Variants in THRB observed in about 807,000 individuals in gnomAD.
THRB encodes nuclear receptor subfamily 1 group A member 2.
THRB carries 12 observed loss-of-function variants against 47.8 expected under a neutral mutation model. The observed-to-expected ratio is 0.25, with a 90% CI of 0.16 to 0.41. THRB has a LOEUF of 0.41. Among genes scored for constraint, THRB ranks in the 10% least tolerant of loss-of-function variants. The pLI, the probability that THRB is intolerant of heterozygous loss-of-function variation, is 1.00. For synonymous variants in THRB, 218 were observed against 212.2 expected (o/e 1.03, Z -0.24); for missense variants, 348 against 589.2 (o/e 0.59, Z 4.24).
intron 1 of THRB, among the ~76,000 whole-genome samples, chr3:24,379,151 TA>T (rs1288885721): frequency 1.3e-5 from 2 of 152,182 alleles, no homozygotes; most frequent in Non-Finnish European, 2.9e-5. Flanking sequence ...AAATTCTATG[TA>T]CATATACATA....
At chr3:24,387,718 T>C (rs1315627628) in intron 1 of THRB, among the ~76,000 whole-genome samples, 2 of 152,108 alleles carry the variant, frequency 1.3e-5, no homozygotes, top group Non-Finnish European at 2.9e-5. Context: ...TGAAACTGTA[T>C]CCTTAGAAAT....
At chr3:24,381,715 C>T (rs1036747494) in intron 1 of THRB, among the ~76,000 whole-genome samples, 2 of 152,052 alleles carry the variant, frequency 1.3e-5, no homozygotes, top group Admixed American at 1.3e-4. Context: ...CCCAAATTAA[C>T]CAACTATAAC....
chr3:24,155,400 C>T (rs959588642), intron 5 of THRB, among the ~76,000 whole-genome samples: 1 of 152,184 alleles, frequency 6.6e-6, no homozygotes, highest in African/African-American at 2.4e-5. Flanking sequence ...TTTTCTGTAA[C>T]ATATTAACTC....
intron 4 of THRB, among the ~76,000 whole-genome samples, chr3:24,201,684 T>C (rs2044614631): frequency 6.6e-6 from 1 of 152,214 alleles, no homozygotes; most frequent in South Asian, 2.1e-4. Flanking sequence ...TAGTAGTTGA[T>C]GAATTGTAGG....
intron 1 of THRB, among the ~76,000 whole-genome samples, chr3:24,437,128 ATATTAT>A (rs59999806): frequency 1.3e-5 from 2 of 148,322 alleles, no homozygotes; most frequent in African/African-American, 4.9e-5. Context: ...ATATAATGAA[ATATTAT>A]TATATTATAT....
intron 1 of THRB, among the ~76,000 whole-genome samples, chr3:24,361,340 G>A (rs1000182822): frequency 8.5e-5 from 13 of 152,108 alleles, no homozygotes. Flanking sequence ...TTAAAAAAGA[G>A]TCACCATATT....
At chr3:24,382,368 T>A (rs2065778504) in intron 1 of THRB, among the ~76,000 whole-genome samples, 1 of 152,160 alleles carries the variant, frequency 6.6e-6, no homozygotes, top group South Asian at 2.1e-4. Context: ...AAAGGATTAA[T>A]ATTCTTAATA....
chr3:24,132,152 G>A (rs1207229605), intron 9 of THRB, among the ~76,000 whole-genome samples: 3 of 152,128 alleles, frequency 2.0e-5, no homozygotes, highest in African/African-American at 7.2e-5. Context: ...GTCATTCCAG[G>A]TGAGGAAACT....
chr3:24,475,125 AC>A (rs1406003487), intron 1 of THRB, among the ~76,000 whole-genome samples: 1 of 152,176 alleles, frequency 6.6e-6, no homozygotes, highest in African/African-American at 2.4e-5. Context: ...ACTTTCTACA[AC>A]TGTAACCATC....
chr3:24,152,664 G>C (rs1346827043), intron 5 of THRB, among the ~76,000 whole-genome samples, 174 bp from the exon 6 acceptor site: 1 of 151,972 alleles, frequency 6.6e-6, no homozygotes, highest in African/African-American at 2.4e-5. Context: ...GTTAACATAG[G>C]CCCAGGATTT....
At chr3:24,170,001 T>C (rs2040217532) in intron 5 of THRB, among the ~76,000 whole-genome samples, 1 of 151,786 alleles carries the variant, frequency 6.6e-6, no homozygotes. Flanking sequence ...CTCACAGCTT[T>C]AAATACTAAT....
chr3:24,357,591 A>C (rs551524567), intron 1 of THRB, among the ~76,000 whole-genome samples: 6 of 151,968 alleles, frequency 3.9e-5, no homozygotes, highest in Non-Finnish European at 5.9e-5. Flanking sequence ...TTTTTCATAG[A>C]AGAGTATTCA....
At position 24,280,604 on chromosome 3, in the gene THRB, T is replaced by C. The variant is rs558579708; in HGVS notation, c.-43+16622A>G. Among the ~76,000 whole-genome samples, 258 of 152,236 alleles carry C rather than the reference T, an allele frequency of 1.7e-3. 1 individual carries two copies. The Middle Eastern group carries it at 0.02, about 12-fold the overall frequency. On this transcript the variant is annotated intron_variant, in intron 3 of 10. Coordinates refer to ENST00000646209, the MANE Select transcript of THRB (RefSeq NM_001354712.2). ...TGGACGGAGAATGACTTTGACAAGCTGAGAGAAGAAGGCTTCAGACGATCA... is the reference window on the plus strand; with the variant it reads ...TGGACGGAGAATGACTTTGACAAGCCGAGAGAAGAAGGCTTCAGACGATCA...
chr3:24,325,881 C>T (rs1343567890), intron 2 of THRB, among the ~76,000 whole-genome samples: 1 of 152,146 alleles, frequency 6.6e-6, no homozygotes, highest in Non-Finnish European at 1.5e-5. Context: ...ACCAAATTGC[C>T]TTCAATAATG....
intron 2 of THRB, among the ~76,000 whole-genome samples, chr3:24,335,784 T>C (rs1369384768): frequency 6.6e-6 from 1 of 152,246 alleles, no homozygotes; most frequent in Non-Finnish European, 1.5e-5. Flanking sequence ...CCTCAGGTTT[T>C]CAGCATTTAT....
chr3:24,150,983 T>C (rs2036835221), intron 6 of THRB, among the ~76,000 whole-genome samples: 8 of 152,236 alleles, frequency 5.3e-5, no homozygotes, highest in Admixed American at 5.2e-4. Flanking sequence ...TGCAAGTCTC[T>C]AATTAATAAA....
At chr3:24,481,246 T>TTTTG (rs1553776524) in intron 1 of THRB, among the ~76,000 whole-genome samples, 3 of 147,676 alleles carry the variant, frequency 2.0e-5, no homozygotes, top group African/African-American at 7.6e-5. Context: ...TTTTTTTTTT[T>TTTTG]TTTTTTTTTT....
chr3:24,481,705 A>G (rs1364167704), intron 1 of THRB, among the ~76,000 whole-genome samples: 1 of 152,092 alleles, frequency 6.6e-6, no homozygotes, highest in Non-Finnish European at 1.5e-5. Context: ...GAGGATTTTA[A>G]TCTCAATTCT....
intron 1 of THRB, among the ~76,000 whole-genome samples, chr3:24,468,748 T>C (rs937370327): frequency 6.6e-6 from 1 of 152,186 alleles, no homozygotes; most frequent in Non-Finnish European, 1.5e-5. Flanking sequence ...CCATAACAGA[T>C]ACAATAAGAA....
Sources: gnomAD v4.1 joint callset for allele counts (sites outside exome capture counted in the v4.1 genomes callset) on GRCh38, gnomAD v4.1.1 for gene constraint, MANE v1.5 for transcripts, NCBI Gene and HGNC (gene_info 2026-07-23, HGNC 2026-07-21) for gene names.